The following PER3 variants were observed in gnomAD, a reference collection of about 807,000 sequenced individuals.
The protein encoded by PER3 is period circadian protein homolog 3.
A neutral mutation model predicts 127.2 loss-of-function variants in PER3; 107 were observed. The observed-to-expected ratio is 0.84, with a 90% confidence interval of 0.72 to 0.99. PER3 has a LOEUF of 0.99. Ranked by LOEUF, PER3 falls within the 50% of genes least tolerant of loss-of-function variation. The probability of loss-of-function intolerance (pLI) is 0.00; values close to 1 mark genes in which losing one functional copy is unlikely to be tolerated. For synonymous variants in PER3, 618 were observed against 585.8 expected (o/e 1.05, Z -0.79); for missense variants, 1,560 against 1,525.8 (o/e 1.02, Z -0.37).
intron 18 of PER3, among the ~76,000 whole-genome samples, chr1:7,828,256 G>A (rs2097312482): frequency 2.0e-5 from 3 of 152,226 alleles, no homozygotes; most frequent in African/African-American, 7.2e-5. Context: ...CAGGACAACA[G>A]GTGTGTATGA....
chr1:7,823,424 C>T (rs1282335443), intron 16 of PER3, among the ~76,000 whole-genome samples: 1 of 152,140 alleles, frequency 6.6e-6, no homozygotes, highest in East Asian at 1.9e-4. Flanking sequence ...GGGCGGATCA[C>T]CTGAGGTCAG....
chr1:7,837,124 C>T lies in PER3; in HGVS notation c.3524C>T (p.Thr1175Ile), dbSNP rs1178389159. Residue 1175 changes from threonine (T) to isoleucine (I), a missense_variant, in exon 21 of 22, where the codon ACT becomes ATT. Thr to Ile is a moderately conservative substitution (Grantham distance 89, BLOSUM62 -1). Coordinates refer to ENST00000377532, the MANE Select transcript of PER3 (RefSeq NM_001377275.1). ...GTGTATAATTGGATTCAAAGCCAGACTGTCACTCAAGAAATCGACATTCAA... is the reference window on the plus strand; with the variant it reads ...GTGTATAATTGGATTCAAAGCCAGATTGTCACTCAAGAAATCGACATTCAA... ...AKVYNWIQSQ[T>I]VTQEIDIQAC... The T allele has an allele frequency of 6.2e-7, 1 of 1,613,464 alleles. No homozygotes were observed. Among genetic ancestry groups the T allele is most frequent in the Non-Finnish European group, 8.5e-7 (1 of 1,179,834 alleles).
Position 7,826,436 on chromosome 1 carries a change from TA to T in PER3, c.1958-42del. The T allele has an allele frequency of 9.5e-7, 1 of 1,057,472 alleles. No individual in the cohort carries two copies. Among genetic ancestry groups the T allele is most frequent in the Non-Finnish European group, 1.5e-6 (1 of 687,766 alleles). The allele number at this position is 1,057,472 out of a possible 1,614,324, so 65.5% of individuals were successfully genotyped here. On this transcript the variant is annotated intron_variant, in intron 16 of 21. Coordinates refer to ENST00000377532, the MANE Select transcript of PER3 (RefSeq NM_001377275.1). The surrounding 1 kb of genome is among the most constrained non-coding windows in gnomAD (Gnocchi z 4.2). ...GTTAACAAAGTAAAATAAATACAAA[TA>T]ATTGATAGGAATTAAAATTAAATAT...
intron 19 of PER3, among the ~76,000 whole-genome samples, chr1:7,832,499 G>A (rs59746373): frequency 0.28 from 42,363 of 150,366 alleles, 6,257 homozygotes; most frequent in Middle Eastern, 0.48. Context: ...TTAGCCTCCC[G>A]AGTAGCTGGG....
intron 13 of PER3, 105 bp from the exon 14 acceptor site, chr1:7,819,180 G>A (rs2097264845): frequency 1.1e-6 from 1 of 892,568 alleles, no homozygotes; most frequent in African/African-American, 1.7e-5. Flanking sequence ...ATATTCTGTT[G>A]ATATATACAT....
In PER3 at chr1:7,827,520, CT is replaced by C. The variant is rs751002463; in HGVS notation, c.2592del (p.Val865SerfsTer31). 2.2e-5 allele frequency: 35 copies of C among 1,614,056 alleles called. No homozygotes were observed. The highest frequency in any genetic ancestry group is 2.5e-5 in the Non-Finnish European group (30 of 1,180,006). ...ATGACCGTTTTCCTGCCTGACCCCC[CT>C]GTCTGTCCTCTGTTGTCGCCATCGT... ...TFMTVFLPDP[P>X]VCPLLSPSFL... On this transcript the variant is annotated frameshift_variant, in exon 18 of 22. Transcript: ENST00000377532. LOFTEE classifies it high-confidence loss of function.
Position 7,820,627 on chromosome 1 carries a change from AC to A in PER3, c.1949del (p.Pro650GlnfsTer16), listed in dbSNP as rs1163605652. On this transcript the variant is annotated frameshift_variant, in exon 16 of 22. Transcript: ENST00000377532. LOFTEE classifies it high-confidence loss of function. ...GYSSTIVHVP[P>X]PETARDATLF... ...ACAGCAGCACCATTGTCCATGTCCC[AC>A]CCCCAGAGACAGGTACCACACTCGC... 1 of 1,610,168 alleles carries A rather than the reference AC, an allele frequency of 6.2e-7. No homozygotes were observed. The highest frequency in any genetic ancestry group is 8.5e-7 in the Non-Finnish European group (1 of 1,178,126).
chr1:7,830,199 G>A, intron 19 of PER3, 38 bp downstream of exon 19: 1 of 1,553,498 alleles, frequency 6.4e-7, no homozygotes, highest in Non-Finnish European at 8.9e-7. Flanking sequence ...AAACTCCAAT[G>A]CCAGACATTC....
intron 13 of PER3, among the ~76,000 whole-genome samples, chr1:7,815,335 A>T (rs1370274335): frequency 6.6e-6 from 1 of 152,230 alleles, no homozygotes; most frequent in Admixed American, 6.5e-5. Context: ...ACTATCTACA[A>T]GAACCCATTG....
intron 2 of PER3, 23 bp downstream of exon 2, chr1:7,785,028 A>G: frequency 6.4e-7 from 1 of 1,565,614 alleles, no homozygotes; most frequent in Admixed American, 2.1e-5. Flanking sequence ...CTTCAGGCCG[A>G]GGGCCCCATG....
intron 10 of PER3, among the ~76,000 whole-genome samples, chr1:7,806,836 T>TATA (rs1401946539): frequency 7.5e-6 from 1 of 133,112 alleles, no homozygotes; most frequent in East Asian, 2.9e-4. Context: ...TATATATATA[T>TATA]TACATACACA....
In PER3 at chr1:7,810,485, G is replaced by A. The variant is rs749508074; in HGVS notation, c.1419G>A (p.Leu473=). ...CCAGTGTGAACAAAATTAAAAATCT[G>A]GGTCAGCAGCTCTACATTGAGTCAA... ...VYASVNKIKN[L]GQQLYIESMT... The change falls in exon 13 of 22, where the codon CTG becomes CTA. Residue 473 remains leucine, a synonymous_variant. Transcript: ENST00000377532. 1 of 1,612,526 alleles carries A rather than the reference G, an allele frequency of 6.2e-7. No individual in the cohort carries two copies. Among genetic ancestry groups the A allele is most frequent in the South Asian group, 1.1e-5 (1 of 90,956 alleles).
At chr1:7,791,462 C>T (rs1447401911) in intron 5 of PER3, among the ~76,000 whole-genome samples, 1 of 152,212 alleles carries the variant, frequency 6.6e-6, no homozygotes, top group Non-Finnish European at 1.5e-5. Flanking sequence ...CCTGGACAGG[C>T]CCAGAAAACC....
chr1:7,825,283 C>A (rs2097296277), intron 16 of PER3, among the ~76,000 whole-genome samples: 3 of 152,030 alleles, frequency 2.0e-5, no homozygotes. Flanking sequence ...TTAGAAGCAA[C>A]CCCAAAATAG....
intron 16 of PER3, among the ~76,000 whole-genome samples, chr1:7,821,729 G>T (rs941116219): frequency 1.3e-5 from 2 of 152,042 alleles, no homozygotes; most frequent in African/African-American, 4.8e-5. Context: ...ACTGCTATTA[G>T]TTTCTTCTGA....
At chr1:7,796,183 C>T (rs1345947826) in intron 6 of PER3, among the ~76,000 whole-genome samples, 1 of 152,160 alleles carries the variant, frequency 6.6e-6, no homozygotes, top group Non-Finnish European at 1.5e-5. Context: ...CTAAGGATCC[C>T]TGGTTCCTTT....
At chr1:7,797,375 C>T (rs997462032) in intron 6 of PER3, among the ~76,000 whole-genome samples, 4 of 152,196 alleles carry the variant, frequency 2.6e-5, no homozygotes, top group Non-Finnish European at 5.9e-5. Flanking sequence ...TGGCTCACGC[C>T]TGTAATCCCA....
In PER3 at chr1:7,785,386, C is replaced by G. The variant is rs1049681771; in HGVS notation, c.129-55C>G. Reference sequence around the variant, plus strand: ...GGCTTGCAGTTTGTGTTCCCTAAGCCGCAAGATGCTGTTGTCTTCAGAGGA... The same window carrying G: ...GGCTTGCAGTTTGTGTTCCCTAAGCGGCAAGATGCTGTTGTCTTCAGAGGA... On this transcript the variant is annotated intron_variant, in intron 2 of 21. Transcript: ENST00000377532. The G allele has an allele frequency of 3.5e-6, 5 of 1,429,592 alleles. No individual in the cohort carries two copies. In the South Asian group the frequency reaches 3.6e-5, roughly 10 times the overall value. The allele number at this position is 1,429,592 out of a possible 1,614,324, so 88.6% of individuals were successfully genotyped here.
Position 7,788,121 on chromosome 1 carries a change from A to G in PER3, c.467A>G (p.Asn156Ser). The G allele has an allele frequency of 6.2e-7, 1 of 1,613,986 alleles. No homozygotes were observed. The change falls in exon 5 of 22, where the codon AAT becomes AGT. Residue 156 changes from asparagine (N) to serine (S), a missense_variant. Around this residue, in one of 3 missense-constraint regions of PER3, gnomAD observed 1,332 missense variants for 1,223.6 expected, o/e 1.09. Transcript: ENST00000377532. ...TCTGAACAGGCTGCTTTGATCCTGA[A>G]TCGTAAGAAAGATGTCCTGGCGTCT... ...HISEQAALIL[N>S]RKKDVLASSH... is the part of the protein sequence containing the mutation.
Sources: gnomAD v4.1 joint callset for allele counts (sites outside exome capture counted in the v4.1 genomes callset) on GRCh38, gnomAD v4.1.1 for gene constraint, gnomAD v4.1.1 regional missense constraint, Gnocchi (gnomAD v3.1) non-coding constraint, MANE v1.5 for transcripts, NCBI Gene and HGNC (gene_info 2026-07-23, HGNC 2026-07-21) for gene names.